MAPK11: variants seen among roughly 807,000 people sequenced by gnomAD.
MAPK11 encodes the protein MAP kinase 11.
Under a neutral mutation model 52.2 loss-of-function variants are expected in MAPK11, and 44 were observed. The ratio of observed to expected loss-of-function variants is 0.84; its 90% CI spans 0.66 to 1.08. The LOEUF (loss-of-function observed/expected upper bound fraction) is 1.08, where lower values mean the gene tolerates loss of function less well. MAPK11 is among the 50% of genes least tolerant of loss of function. The pLI, the probability that MAPK11 is intolerant of heterozygous loss-of-function variation, is 0.00. For synonymous variants in MAPK11, 233 were observed against 206.3 expected (o/e 1.13, Z -1.11); for missense variants, 436 against 494.7 (o/e 0.88, Z 1.13).
chr22:50,269,456 A>G (rs990285314), intron 1 of MAPK11, among the ~76,000 whole-genome samples: 1 of 152,120 alleles, frequency 6.6e-6, no homozygotes, highest in African/African-American at 2.4e-5. Flanking sequence ...ACTCAGCTGC[A>G]CCTCTCAAAG....
At position 50,265,037 on chromosome 22, in the gene MAPK11, G is replaced by A; in HGVS notation, c.1016-10C>T. 1 of 1,610,184 alleles carries A rather than the reference G, an allele frequency of 6.2e-7. No individual in the cohort carries two copies. Among genetic ancestry groups the A allele is most frequent in the African/African-American group, 1.3e-5 (1 of 74,970 alleles). On this transcript the variant is annotated splice_polypyrimidine_tract_variant and intron_variant, in intron 11 of 11. Transcript: ENST00000330651. ...TCCTGGTAAGTGAGCTCTAGGAGGT[G>A]AAGGGAAAGGGTGAGCTTGTGCCTC...
At position 50,267,818 on chromosome 22, in the gene MAPK11, A is replaced by T. The variant is rs1179317295; in HGVS notation, c.246+2T>A. The T allele has an allele frequency of 5.2e-6, 8 of 1,531,034 alleles. No individual in the cohort carries two copies. The highest frequency in any genetic ancestry group is 7.0e-6 in the Non-Finnish European group (8 of 1,141,828). The allele number at this position is 1,531,034 out of a possible 1,614,324, so 94.8% of individuals were successfully genotyped here. On this transcript the variant is annotated splice_donor_variant, in intron 2 of 11. Transcript: ENST00000330651. LOFTEE classifies it high-confidence loss of function. ...TCCCCCCACGGCCCTCCCCCGGCTCACGTTCTCGTGCTTCAGGTGCTTGAG... is the reference window on the plus strand; with the variant it reads ...TCCCCCCACGGCCCTCCCCCGGCTCTCGTTCTCGTGCTTCAGGTGCTTGAG...
rs749466213 is a variant in MAPK11 at position 50,267,241 on chromosome 22, C to A, written c.447+16G>T. ...AGCCCTGCTGGACCCGACCCTCACC[C>A]TGCGGTCGCACCTACCCGGTGGATG... On this transcript the variant is annotated intron_variant, in intron 5 of 11. Transcript: ENST00000330651. 3.7e-6 allele frequency: 6 copies of A among 1,608,034 alleles called. No individual in the cohort carries two copies. The South Asian group carries it at 4.4e-5, about 12-fold the overall frequency.
Position 50,265,513 on chromosome 22 carries a change from T to G in MAPK11, c.842-19A>C, listed in dbSNP as rs1601652009. ...TCTATGGCTGCAGGGAAGCCAGTGG[T>G]GGGGAGGGGGGTCAGCTGTACATCC... On this transcript the variant is annotated intron_variant, in intron 10 of 11. Transcript: ENST00000330651. The G allele has an allele frequency of 6.2e-7, 1 of 1,612,848 alleles. No individual in the cohort carries two copies.
chr22:50,265,340 G>A lies in MAPK11; in HGVS notation c.996C>T (p.Arg332=), dbSNP rs765448055. The A allele has an allele frequency of 1.1e-5, 17 of 1,613,106 alleles. No homozygotes were observed. In the African/African-American group the frequency reaches 1.9e-4, roughly 18 times the overall value. ...GCTCACCCTTCCACTCCTCCAGCGTGCGCTCCTTGGCCTCAACGCTCTCAT... is the reference window on the plus strand; with the variant it reads ...GCTCACCCTTCCACTCCTCCAGCGTACGCTCCTTGGCCTCAACGCTCTCAT... ...PYDESVEAKE[R]TLEEWKELTY... is the part of the protein sequence containing the mutation. Residue 332 remains arginine (R), a synonymous_variant, in exon 11 of 12, where the codon CGC becomes CGT. Transcript: ENST00000330651.
chr22:50,264,792 T>C lies in MAPK11; in HGVS notation c.*156A>G. 1 of 601,268 alleles carries C rather than the reference T, an allele frequency of 1.7e-6. No individual in the cohort carries two copies. The highest frequency in any genetic ancestry group is 1.9e-5 in the African/African-American group (1 of 54,034). 37.2% of individuals were successfully genotyped at this position (601,268 alleles called of 1,614,324 possible). A position where few individuals can be genotyped will look rare whatever the true frequency, so the allele number is the denominator to read the frequency against. ...ATGTACACACATGTTTGTGCATGCA[T>C]ACATGCGTGTAGATTCTCCTGAAGG... On this transcript the variant is annotated 3_prime_UTR_variant, in exon 12 of 12. Coordinates refer to ENST00000330651, the MANE Select transcript of MAPK11 (RefSeq NM_002751.7).
chr22:50,267,690 G>GGCCAC (rs2065276233), intron 2 of MAPK11, 63 bp from the exon 3 acceptor site: 7 of 1,470,228 alleles, frequency 4.8e-6, no homozygotes, highest in Non-Finnish European at 6.3e-6. Flanking sequence ...GCTCCCCCCG[G>GGCCAC]GCCACGCCCC....
Position 50,267,003 on chromosome 22 carries a change from C to T in MAPK11, c.541G>A (p.Gly181Ser), listed in dbSNP as rs200417198. 4.3e-6 allele frequency: 7 copies of T among 1,612,696 alleles called. No individual in the cohort carries two copies. Among genetic ancestry groups the T allele is most frequent in the East Asian group, 2.2e-5 (1 of 44,878 alleles). Reference protein sequence around the residue: ...LARQADEEMTGYVATRWYRAP... With the variant: ...LARQADEEMTSYVATRWYRAP... ...CGGTACCAGCGCGTGGCCACATAGC[C>T]GGTCATCTCCTCGTCCGCCTGGCGC... The change falls in exon 7 of 12, where the codon GGC becomes AGC. Residue 181 changes from glycine (G) to serine (S), a missense_variant. Gly to Ser is a moderately conservative substitution (Grantham distance 56). Coordinates refer to ENST00000330651, the MANE Select transcript of MAPK11 (RefSeq NM_002751.7).
chr22:50,270,305 C>T lies in MAPK11; in HGVS notation c.-13G>A. 8.5e-7 allele frequency: 1 copy of T among 1,175,164 alleles called. No individual in the cohort carries two copies. Among genetic ancestry groups the T allele is most frequent in the Non-Finnish European group, 1.1e-6 (1 of 928,104 alleles). 72.8% of individuals were successfully genotyped at this position (1,175,164 alleles called of 1,614,324 possible). A position where few individuals can be genotyped will look rare whatever the true frequency, so the allele number is the denominator to read the frequency against. ...GAGGGCCCGACATGTCCGGAGCAGC[C>T]GCCGCTCCGCCCGGGCCCAGCCCCG... On this transcript the variant is annotated 5_prime_UTR_variant, in exon 1 of 12. Transcript: ENST00000330651. This position sits in a 1 kb window ranked among gnomAD's most constrained non-coding sequence, Gnocchi z 6.3.
chr22:50,266,415 C>T, intron 8 of MAPK11, 110 bp from the exon 9 acceptor site: 1 of 1,399,100 alleles, frequency 7.1e-7, no homozygotes. Flanking sequence ...GTGAGGATGG[C>T]CAGCCCAAAG....
chr22:50,266,125 G>A (rs1601652529), intron 9 of MAPK11, 101 bp downstream of exon 9: 1 of 959,438 alleles, frequency 1.0e-6, no homozygotes, highest in African/African-American at 1.6e-5. Flanking sequence ...CACATCCCAT[G>A]TTCCCCATAT....
chr22:50,265,816 T>C (rs1252439309), intron 9 of MAPK11, among the ~76,000 whole-genome samples, 156 bp from the exon 10 acceptor site: 2 of 152,062 alleles, frequency 1.3e-5, no homozygotes, highest in African/African-American at 4.8e-5. Flanking sequence ...TAGGATCTGG[T>C]GGTTCTAGCT....
In MAPK11 at chr22:50,266,973, G is replaced by GC; in HGVS notation, c.570_571insG (p.Pro191AlafsTer2). 6.2e-7 allele frequency: 1 copy of GC among 1,612,046 alleles called. No individual in the cohort carries two copies. The highest frequency in any genetic ancestry group is 8.5e-7 in the Non-Finnish European group (1 of 1,179,974). Reference sequence around the variant, plus strand: ...TGCATCCAGTTGAGCATGATCTCAGGTGCCCGGTACCAGCGCGTGGCCACA... The same window carrying GC: ...TGCATCCAGTTGAGCATGATCTCAGGCTGCCCGGTACCAGCGCGTGGCCACA... On this transcript the variant is annotated frameshift_variant, in exon 7 of 12. Transcript: ENST00000330651. LOFTEE classifies it high-confidence loss of function.
chr22:50,265,264 C>T, intron 11 of MAPK11, 57 bp downstream of exon 11: 3 of 1,590,112 alleles, frequency 1.9e-6, no homozygotes, highest in Non-Finnish European at 2.6e-6. Context: ...TTTCCTGCCT[C>T]TGGGGAAATG....
At chr22:50,269,000 C>T (rs181856337) in intron 1 of MAPK11, among the ~76,000 whole-genome samples, 399 of 152,240 alleles carry the variant, frequency 2.6e-3, no homozygotes, top group African/African-American at 9.2e-3. Context: ...TGGCCCGCAG[C>T]CTTGGCAGTG....
chr22:50,267,339 C>A (rs1209971482), intron 4 of MAPK11, 32 bp downstream of exon 4: 1 of 1,587,202 alleles, frequency 6.3e-7, no homozygotes, highest in South Asian at 1.1e-5. Context: ...CGCCCCCCTG[C>A]GAGAGGACCC....
At position 50,264,856 on chromosome 22, in the gene MAPK11, G is replaced by A. The variant is rs200443930; in HGVS notation, c.*92C>T. The A allele has an allele frequency of 2.7e-5, 26 of 970,386 alleles. No homozygotes were observed. Among genetic ancestry groups the A allele is most frequent in the Non-Finnish European group, 3.5e-5 (22 of 637,274 alleles). The allele number at this position is 970,386 out of a possible 1,614,324, so 60.1% of individuals were successfully genotyped here. ...GCCAGAAGTCTGTGACCATAGGAGTGTGGGAGGTGCCTCTCGAGGAAACCA... is the reference window on the plus strand; with the variant it reads ...GCCAGAAGTCTGTGACCATAGGAGTATGGGAGGTGCCTCTCGAGGAAACCA... On this transcript the variant is annotated 3_prime_UTR_variant, in exon 12 of 12. Transcript: ENST00000330651.
chr22:50,266,654 C>T lies in MAPK11; in HGVS notation c.611-43G>A, dbSNP rs150060830. On this transcript the variant is annotated intron_variant, in intron 7 of 11. Transcript: ENST00000330651. ...GACCTCCATCAGTGTGCCCACCCCACGTCCCTCCTCCAGGAGACCCACAGT... is the reference window on the plus strand; with the variant it reads ...GACCTCCATCAGTGTGCCCACCCCATGTCCCTCCTCCAGGAGACCCACAGT... 27 of 1,553,558 alleles carry T rather than the reference C, an allele frequency of 1.7e-5. No individual in the cohort carries two copies. In the African/African-American group the frequency reaches 2.0e-4, roughly 12 times the overall value.
chr22:50,270,231 G>T lies in MAPK11; in HGVS notation c.62C>A (p.Pro21Gln). The stretch of plus-strand genomic sequence containing the variant: ...CGGGCGCAGCCCCTGCAGCCGCTGC[G>T]GCACCTCCCACACGGTCTTGTTCAG... Reference protein sequence around the residue: ...QELNKTVWEVPQRLQGLRPVG... With the variant: ...QELNKTVWEVQQRLQGLRPVG... The change falls in exon 1 of 12, where the codon CCG becomes CAG. Residue 21 changes from proline (P) to glutamine (Q), a missense_variant. Transcript: ENST00000330651. This position sits in a 1 kb window ranked among gnomAD's most constrained non-coding sequence, Gnocchi z 6.3. The T allele has an allele frequency of 6.6e-7, 1 of 1,509,298 alleles. No individual in the cohort carries two copies. 93.5% of individuals were successfully genotyped at this position (1,509,298 alleles called of 1,614,324 possible).
Sources: gnomAD v4.1 joint callset for allele counts (sites outside exome capture counted in the v4.1 genomes callset) on GRCh38, gnomAD v4.1.1 for gene constraint, Gnocchi (gnomAD v3.1) non-coding constraint, MANE v1.5 for transcripts, NCBI Gene and HGNC (gene_info 2026-07-23, HGNC 2026-07-21) for gene names.